TIAM1: variants seen among roughly 807,000 people sequenced by gnomAD.
TIAM1 encodes the protein rho guanine nucleotide exchange factor TIAM1.
In TIAM1, 65 loss-of-function variants were observed where a neutral mutation model predicts 163.5. The observed-to-expected ratio is 0.40, with a 90% CI of 0.33 to 0.49. The LOEUF is 0.49. TIAM1 is among the 20% of genes least tolerant of loss of function. The pLI is 0.77. For synonymous variants in TIAM1, 833 were observed against 810.1 expected (o/e 1.03, Z -0.48); for missense variants, 1,789 against 2,044.7 (o/e 0.87, Z 2.41).
chr21:31,536,820 G>C (rs1319330568), intron 1 of TIAM1, among the ~76,000 whole-genome samples: 2 of 152,214 alleles, frequency 1.3e-5, no homozygotes, highest in Non-Finnish European at 2.9e-5. Flanking sequence ...TCCCATGGAA[G>C]TCACATTGAA....
At chr21:31,170,158 T>C (rs890730237) in intron 15 of TIAM1, among the ~76,000 whole-genome samples, 7 of 152,152 alleles carry the variant, frequency 4.6e-5, no homozygotes, top group African/African-American at 1.7e-4. Flanking sequence ...CTGCATGCTA[T>C]ATGGAAGTAA....
chr21:31,523,962 CATG>C (rs955615655), intron 1 of TIAM1, among the ~76,000 whole-genome samples: 4 of 147,742 alleles, frequency 2.7e-5, no homozygotes, highest in Admixed American at 6.8e-5. Context: ...GCTCTGCAGG[CATG>C]ATAATTCCCA....
At chr21:31,200,538 TACCTC>T (rs1251743048) in intron 12 of TIAM1, among the ~76,000 whole-genome samples, 1 of 152,238 alleles carries the variant, frequency 6.6e-6, no homozygotes, top group African/African-American at 2.4e-5. Flanking sequence ...TGCTCATCGT[TACCTC>T]AGAACAGTGG....
At chr21:31,220,141 T>TAAA (rs1337586080) in intron 8 of TIAM1, among the ~76,000 whole-genome samples, 3 of 152,218 alleles carry the variant, frequency 2.0e-5, no homozygotes, top group African/African-American at 4.8e-5. Context: ...CCGTATAAAA[T>TAAA]ACGTCGACAT....
intron 1 of TIAM1, among the ~76,000 whole-genome samples, chr21:31,339,726 G>A (rs750563469): frequency 6.6e-6 from 1 of 152,136 alleles, no homozygotes; most frequent in Non-Finnish European, 1.5e-5. Flanking sequence ...GGTACTAGAG[G>A]AAGCTCTACG....
At chr21:31,178,346 G>T (rs989655320) in intron 15 of TIAM1, among the ~76,000 whole-genome samples, 1 of 118,182 alleles carries the variant, frequency 8.5e-6, no homozygotes, top group Non-Finnish European at 1.6e-5. Flanking sequence ...TCTCGCTATC[G>T]CCCAGGCTGG....
Position 31,407,384 on chromosome 21 carries a change from C to T in TIAM1, c.-369+56599G>A, listed in dbSNP as rs926852546. ...GTTCACAGATGGTGGGACCGAAACA[C>T]GAAGAAGCGGCTCAAGCACCTCGGC... On this transcript the variant is annotated intron_variant, in intron 2 of 28. Transcript: ENST00000286827. Among the ~76,000 whole-genome samples the T allele has an allele frequency of 6.6e-5, 10 of 152,016 alleles. No individual in the cohort carries two copies. In the East Asian group the frequency reaches 9.7e-4, roughly 15 times the overall value.
intron 2 of TIAM1, among the ~76,000 whole-genome samples, chr21:31,392,873 G>C (rs967293944): frequency 6.6e-6 from 1 of 152,008 alleles, no homozygotes; most frequent in South Asian, 2.1e-4. Flanking sequence ...TCTGCCATGA[G>C]TAAAAGCTTC....
intron 15 of TIAM1, among the ~76,000 whole-genome samples, 190 bp downstream of exon 15, chr21:31,182,231 A>C (rs1313341806): frequency 2.0e-5 from 3 of 152,214 alleles, no homozygotes; most frequent in Admixed American, 6.5e-5. Context: ...TCTATGAGAA[A>C]ATAAAGTTCC....
chr21:31,447,152 G>T (rs1365812725), intron 2 of TIAM1, among the ~76,000 whole-genome samples: 1 of 152,222 alleles, frequency 6.6e-6, no homozygotes, highest in Admixed American at 6.5e-5. Context: ...ACTCTGGGAG[G>T]CTGAGGAAGG....
intron 3 of TIAM1, among the ~76,000 whole-genome samples, chr21:31,269,956 C>T (rs908507738): frequency 6.6e-6 from 1 of 152,192 alleles, no homozygotes; most frequent in African/African-American, 2.4e-5. Context: ...CAGGCGTGAG[C>T]CACCACGCCC....
chr21:31,415,125 G>T (rs1246292158), intron 2 of TIAM1, among the ~76,000 whole-genome samples: 1 of 152,180 alleles, frequency 6.6e-6, no homozygotes. Context: ...ACAAATGGGA[G>T]AGCCTCAGCT....
intron 2 of TIAM1, among the ~76,000 whole-genome samples, chr21:31,370,149 C>G (rs1052526715): frequency 7.2e-5 from 11 of 152,286 alleles, no homozygotes; most frequent in African/African-American, 2.4e-4. Context: ...AAATAAATTT[C>G]TGTTCTATCT....
chr21:31,543,299 T>C (rs1944689444), intron 1 of TIAM1, among the ~76,000 whole-genome samples: 1 of 152,202 alleles, frequency 6.6e-6, no homozygotes, highest in Non-Finnish European at 1.5e-5. Flanking sequence ...GCCGCCACCA[T>C]TCCAAGCTCG....
chr21:31,138,012 G>A (rs545130622), intron 22 of TIAM1, among the ~76,000 whole-genome samples: 1 of 151,718 alleles, frequency 6.6e-6, no homozygotes, highest in Non-Finnish European at 1.5e-5. Context: ...AGTGGACTAG[G>A]GGGTCAGGGT....
intron 4 of TIAM1, among the ~76,000 whole-genome samples, chr21:31,252,758 G>A (rs894963790): frequency 6.6e-6 from 1 of 152,184 alleles, no homozygotes; most frequent in African/African-American, 2.4e-5. Context: ...CACCCAGCAC[G>A]GCTCCGTGTT....
At chr21:31,294,177 T>C (rs948882801) in intron 2 of TIAM1, among the ~76,000 whole-genome samples, 2 of 151,758 alleles carry the variant, frequency 1.3e-5, no homozygotes, top group Non-Finnish European at 2.9e-5. Context: ...GGGAGGGAGG[T>C]TGGAATGATT....
chr21:31,271,702 C>CACCTCTCCCCATAGGCAGGGTAAT (rs3831795), intron 3 of TIAM1, among the ~76,000 whole-genome samples: 1 of 151,998 alleles, frequency 6.6e-6, no homozygotes, highest in African/African-American at 2.4e-5. Context: ...GTTGAGAGGG[C>CACCTCTCCCCATAGGCAGGGTAAT]AAGTGTAGAA....
intron 14 of TIAM1, among the ~76,000 whole-genome samples, chr21:31,185,423 T>TATATAATTATATATAATTA (rs1568988482): frequency 2.8e-5 from 4 of 142,722 alleles, no homozygotes; most frequent in Admixed American, 7.2e-5. Context: ...TATAATTATG[T>TATATAATTATATATAATTA]TATATAATTA....
Sources: allele counts gnomAD v4.1 joint callset (sites outside exome capture counted in the v4.1 genomes callset), GRCh38; gene constraint gnomAD v4.1.1; transcripts MANE v1.5; gene names NCBI Gene and HGNC (gene_info 2026-07-23, HGNC 2026-07-21).